The following SYNE1 variants were observed in gnomAD, a reference collection of about 807,000 sequenced individuals.
SYNE1 encodes the protein nesprin-1.
In SYNE1, 616 loss-of-function variants were observed where a neutral mutation model predicts 1,111.0. The observed-to-expected ratio is 0.55, with a 90% CI of 0.52 to 0.59. The LOEUF (loss-of-function observed/expected upper bound fraction) is 0.59, where lower values mean the gene tolerates loss of function less well. SYNE1 is among the 20% of genes least tolerant of loss of function. The pLI, the probability that SYNE1 is intolerant of heterozygous loss-of-function variation, is 0.00. For synonymous variants in SYNE1, 3,855 were observed against 3,825.8 expected (o/e 1.01, Z -0.28); for missense variants, 10,006 against 10,417.0 (o/e 0.96, Z 1.72).
chr6:152,357,174 G>A lies in SYNE1; in HGVS notation c.10608+1199C>T, dbSNP rs73784323. ...TTTAAATAAGATTTTCTTCCATTTC[G>A]GTTAATCCTTACAACTCTGTGGATG... On this transcript the variant is annotated intron_variant, in intron 66 of 145. Transcript: ENST00000367255. 4.9e-3 allele frequency among the ~76,000 whole-genome samples: 742 copies of A among 152,086 alleles called. 6 individuals are homozygous for A. The highest frequency in any genetic ancestry group is 0.017 in the African/African-American group (704 of 41,482).
intron 107 of SYNE1, among the ~76,000 whole-genome samples, chr6:152,240,960 A>G (rs2085489910): frequency 6.6e-6 from 1 of 152,188 alleles, no homozygotes; most frequent in African/African-American, 2.4e-5. Context: ...AAGTTGGAGG[A>G]GACTTTGAAG....
intron 3 of SYNE1, among the ~76,000 whole-genome samples, chr6:152,558,545 C>T (rs2099383279): frequency 6.6e-6 from 1 of 152,054 alleles, no homozygotes. Flanking sequence ...GATGGCTATC[C>T]TTATATCGCA....
At chr6:152,186,556 C>CAAAAAAAAAA (rs59187571) in intron 128 of SYNE1, among the ~76,000 whole-genome samples, 19 of 38,038 alleles carry the variant, frequency 5.0e-4, no homozygotes, top group African/African-American at 1.5e-3. Flanking sequence ...AGCTCTGTGT[C>CAAAAAAAAAA]AAAAAAAAAA....
intron 3 of SYNE1, among the ~76,000 whole-genome samples, chr6:152,545,376 T>C (rs534901263): frequency 6.6e-6 from 1 of 152,258 alleles, no homozygotes; most frequent in East Asian, 1.9e-4. Context: ...GGTCAAGAGT[T>C]TGAGACTAGC....
Position 152,224,591 on chromosome 6 carries a change from A to G in SYNE1, c.21425T>C (p.Ile7142Thr), listed in dbSNP as rs201081234. 30 of 1,614,034 alleles carry G rather than the reference A, an allele frequency of 1.9e-5. No homozygotes were observed. Among genetic ancestry groups the G allele is most frequent in the Non-Finnish European group, 2.5e-5 (29 of 1,179,960 alleles). Reference protein sequence around the residue: ...WSSHKVAFDKINSYLMEARYS... With the variant: ...WSSHKVAFDKTNSYLMEARYS... ...TCTGGCCTCCATGAGGTAACTGTTTATCTTGTCAAAGGCCACTTTGTGACT... is the reference window on the plus strand; with the variant it reads ...TCTGGCCTCCATGAGGTAACTGTTTGTCTTGTCAAAGGCCACTTTGTGACT... Residue 7142 changes from isoleucine to threonine, a missense_variant, in exon 117 of 146, where the codon ATA becomes ACA. Ile to Thr is a moderately conservative substitution (Grantham distance 89, BLOSUM62 -1). This residue lies in a region of SYNE1 where 2,182 missense variants were observed against 2,287.8 expected (regional missense o/e 0.95). Transcript: ENST00000367255.
intron 30 of SYNE1, 100 bp from the exon 31 acceptor site, chr6:152,442,345 C>T: frequency 1.4e-6 from 2 of 1,409,744 alleles, no homozygotes; most frequent in South Asian, 2.3e-5. Flanking sequence ...GAAAGGTGGG[C>T]CCGAAATGTA....
intron 14 of SYNE1, among the ~76,000 whole-genome samples, chr6:152,475,777 AG>A (rs2154285202): frequency 6.6e-6 from 1 of 152,352 alleles, no homozygotes; most frequent in Non-Finnish European, 1.5e-5. Flanking sequence ...TGGGTAAAGA[AG>A]GGAAAGGGCT....
chr6:152,558,645 T>C (rs1052221030), intron 3 of SYNE1, among the ~76,000 whole-genome samples: 4 of 152,116 alleles, frequency 2.6e-5, no homozygotes, highest in Admixed American at 2.6e-4. Flanking sequence ...GAGCACATAA[T>C]AATGTAAGTA....
chr6:152,430,584 T>C lies in SYNE1; in HGVS notation c.4587A>G (p.Ile1529Met). Residue 1529 changes from isoleucine to methionine, a missense_variant, in exon 35 of 146, where the codon ATA (isoleucine) becomes ATG (methionine). Physicochemically the swap from Ile to Met is conservative, Grantham distance 10. Transcript: ENST00000367255. ...SARIKAKLTQIRRYGEELREH... is the reference protein window; with the variant it reads ...SARIKAKLTQMRRYGEELREH... ...CTCGAAGCTCTTCCCCGTATCTTCT[T>C]ATTTGTGTCAACTTGGCTTTAATTC... 1 of 1,614,172 alleles carries C rather than the reference T, an allele frequency of 6.2e-7. No individual in the cohort carries two copies. The highest frequency in any genetic ancestry group is 8.5e-7 in the Non-Finnish European group (1 of 1,180,010).
intron 3 of SYNE1, among the ~76,000 whole-genome samples, chr6:152,623,596 G>A (rs1344194463): frequency 2.6e-5 from 4 of 152,066 alleles, no homozygotes; most frequent in African/African-American, 9.7e-5. Flanking sequence ...CCTACAGAAT[G>A]GGAGAAAATT....
chr6:152,579,727 T>C (rs2099513042), intron 3 of SYNE1, among the ~76,000 whole-genome samples: 2 of 152,198 alleles, frequency 1.3e-5, no homozygotes, highest in Non-Finnish European at 2.9e-5. Flanking sequence ...TTTGTGTCCA[T>C]ATGCACTCGA....
chr6:152,201,792 G>C (rs775588926), intron 127 of SYNE1, 32 bp downstream of exon 127: 1 of 1,613,828 alleles, frequency 6.2e-7, no homozygotes. Context: ...AGGCACACAG[G>C]TGACGGTGAA....
intron 137 of SYNE1, chr6:152,145,741 T>C (rs1400514401): frequency 3.2e-6 from 2 of 634,154 alleles, no homozygotes; most frequent in African/African-American, 3.6e-5. Context: ...GAATTCACAG[T>C]GGGTGGGGCA....
chr6:152,487,750 G>A (rs1212751219), intron 12 of SYNE1, among the ~76,000 whole-genome samples: 1 of 152,080 alleles, frequency 6.6e-6, no homozygotes, highest in Non-Finnish European at 1.5e-5. Flanking sequence ...CTTTGTTCTT[G>A]GTAGATTTTT....
At chr6:152,208,867 G>C (rs1285479148) in intron 124 of SYNE1, among the ~76,000 whole-genome samples, 1 of 152,114 alleles carries the variant, frequency 6.6e-6, no homozygotes, top group Non-Finnish European at 1.5e-5. Flanking sequence ...CTGTATAAAT[G>C]TCATTAATAT....
At chr6:152,451,269 G>T in intron 25 of SYNE1, 64 bp from the exon 26 acceptor site, 1 of 1,499,262 alleles carries the variant, frequency 6.7e-7, no homozygotes, top group Non-Finnish European at 9.0e-7. Flanking sequence ...ATTCCCAATT[G>T]AAGTGGCAAA....
chr6:152,311,874 C>T (rs893627653), intron 87 of SYNE1, among the ~76,000 whole-genome samples: 3 of 151,844 alleles, frequency 2.0e-5, no homozygotes, highest in African/African-American at 7.3e-5. Context: ...CTCCCGGGTT[C>T]ACACCATTCT....
chr6:152,179,937 C>G (rs1222407530), intron 129 of SYNE1, among the ~76,000 whole-genome samples, 199 bp downstream of exon 129: 5 of 151,980 alleles, frequency 3.3e-5, no homozygotes, highest in Non-Finnish European at 5.9e-5. Flanking sequence ...CCCACCTCAG[C>G]CTCCCAAAGT....
At chr6:152,142,837 C>T (rs1224935608) in intron 138 of SYNE1, among the ~76,000 whole-genome samples, 1 of 152,168 alleles carries the variant, frequency 6.6e-6, no homozygotes, top group Non-Finnish European at 1.5e-5. Context: ...GTTTTCTTTC[C>T]TAATTTCAAA....
Sources: allele counts gnomAD v4.1 joint callset (sites outside exome capture counted in the v4.1 genomes callset), GRCh38; gene constraint gnomAD v4.1.1; regional missense constraint gnomAD v4.1.1; transcripts MANE v1.5; gene names NCBI Gene and HGNC (gene_info 2026-07-23, HGNC 2026-07-21).